TRIO: variants seen among roughly 807,000 people sequenced by gnomAD.
TRIO encodes the protein triple functional domain protein.
Under a neutral mutation model 351.9 loss-of-function variants are expected in TRIO, and 58 were observed. The observed-to-expected ratio is 0.16, with a 90% CI of 0.13 to 0.21. The LOEUF (loss-of-function observed/expected upper bound fraction) is 0.21. Among genes scored for constraint, TRIO ranks in the 10% least tolerant of loss-of-function variants. The probability of loss-of-function intolerance (pLI) is 1.00; values close to 1 mark genes in which losing one functional copy is unlikely to be tolerated. For missense variants in TRIO, 3,201 were observed against 4,027.8 expected (o/e 0.79, Z 5.56); for synonymous variants, 1,758 against 1,595.7 (o/e 1.10, Z -2.42).
chr5:14,298,986 A>C (rs1737626962), intron 7 of TRIO, among the ~76,000 whole-genome samples: 1 of 152,218 alleles, frequency 6.6e-6, no homozygotes, highest in Admixed American at 6.5e-5. Context: ...AATGAATTTG[A>C]AGCAGGATAA....
intron 10 of TRIO, 152 bp downstream of exon 10, chr5:14,331,052 T>A: frequency 8.6e-7 from 1 of 1,157,442 alleles, no homozygotes; most frequent in Non-Finnish European, 1.2e-6. Context: ...AGTGAAGTTG[T>A]CATTGCCTAG....
chr5:14,287,546 G>T (rs1368098742), intron 4 of TRIO, among the ~76,000 whole-genome samples: 1 of 152,172 alleles, frequency 6.6e-6, no homozygotes, highest in Non-Finnish European at 1.5e-5. Context: ...TGGAGATAGT[G>T]TGTTAAAAAC....
At chr5:14,270,046 C>G (rs1795894847) in intron 1 of TRIO, among the ~76,000 whole-genome samples, 1 of 152,154 alleles carries the variant, frequency 6.6e-6, no homozygotes, top group Non-Finnish European at 1.5e-5. Context: ...AGGCATTCAC[C>G]CTGGTGAGCT....
In TRIO at chr5:14,225,800, C is replaced by CA. The variant is rs959298428; in HGVS notation, c.158-45025_158-45024insA. Among the ~76,000 whole-genome samples the CA allele has an allele frequency of 1.5e-5, 2 of 136,718 alleles. 1 individual carries two copies. The highest frequency in any genetic ancestry group is 1.4e-4 in the Admixed American group (2 of 14,306). 89.7% of individuals were successfully genotyped at this position (136,718 alleles called of 152,430 possible). Reference sequence around the variant, plus strand: ...TCATATTCACTGCTCCCACCCCCCCCCCCACCTCCAAGCCCAAAAGGATGA... The same window carrying CA: ...TCATATTCACTGCTCCCACCCCCCCCACCCACCTCCAAGCCCAAAAGGATGA... On this transcript the variant is annotated intron_variant, in intron 1 of 56. Coordinates refer to ENST00000344204, the MANE Select transcript of TRIO (RefSeq NM_007118.4).
At chr5:14,391,591 A>G (rs570270246) in intron 27 of TRIO, among the ~76,000 whole-genome samples, 37 of 152,332 alleles carry the variant, frequency 2.4e-4, no homozygotes, top group Non-Finnish European at 4.4e-4. Context: ...AAAGAGATGG[A>G]GCTTTAGAAC....
intron 2 of TRIO, among the ~76,000 whole-genome samples, chr5:14,273,355 C>T (rs139154063): frequency 1.3e-5 from 2 of 152,304 alleles, no homozygotes; most frequent in African/African-American, 4.8e-5. Flanking sequence ...CGATCCTTAG[C>T]GCCTAGGTCT....
At chr5:14,361,909 G>T (rs1406286302) in intron 13 of TRIO, among the ~76,000 whole-genome samples, 1 of 152,186 alleles carries the variant, frequency 6.6e-6, no homozygotes, top group Admixed American at 6.5e-5. Context: ...CCTGAGGTCA[G>T]GAGTTCGAGA....
In TRIO at chr5:14,406,354, T is replaced by C; in HGVS notation, c.4860-219T>C. On this transcript the variant is annotated intron_variant, in intron 32 of 56. Coordinates refer to ENST00000344204, the MANE Select transcript of TRIO (RefSeq NM_007118.4). ...CAACGATCATATCAACTATATTTTA[T>C]GGTGATGGGAATCCAACAGGATGAT... 5 of 576,764 alleles carry C rather than the reference T, an allele frequency of 8.7e-6. No individual in the cohort carries two copies. In the East Asian group the frequency reaches 1.5e-4, roughly 17 times the overall value. The allele number at this position is 576,764 out of a possible 1,614,324, so 35.7% of individuals were successfully genotyped here. A position where few individuals can be genotyped will look rare whatever the true frequency, so the allele number is the denominator to read the frequency against.
intron 17 of TRIO, among the ~76,000 whole-genome samples, 178 bp downstream of exon 17, chr5:14,369,077 T>C (rs1744845663): frequency 6.6e-6 from 1 of 152,142 alleles, no homozygotes; most frequent in South Asian, 2.1e-4. Context: ...ATGTCAAAGG[T>C]AATAAGCTAG....
chr5:14,505,441 T>C (rs1244222085), intron 55 of TRIO, among the ~76,000 whole-genome samples: 1 of 152,224 alleles, frequency 6.6e-6, no homozygotes, highest in African/African-American at 2.4e-5. Flanking sequence ...TGCTTTTCCA[T>C]GGGGAAGGGT....
intron 1 of TRIO, among the ~76,000 whole-genome samples, chr5:14,209,781 T>G (rs562708582): frequency 1.2e-4 from 19 of 152,382 alleles, no homozygotes; most frequent in Non-Finnish European, 2.2e-4. Flanking sequence ...TCAACAAAAT[T>G]GACAGTATTG....
intron 1 of TRIO, among the ~76,000 whole-genome samples, chr5:14,266,251 G>A (rs1795669970): frequency 6.6e-6 from 1 of 152,006 alleles, no homozygotes. Flanking sequence ...TAGTAGAGAT[G>A]GGGTTTCACC....
At chr5:14,370,518 C>G (rs776550329) in intron 18 of TRIO, among the ~76,000 whole-genome samples, 11 of 152,150 alleles carry the variant, frequency 7.2e-5, no homozygotes, top group Admixed American at 2.0e-4. Context: ...TCTCACCTCT[C>G]TGACCACTTT....
chr5:14,184,007 C>T (rs16903264), intron 1 of TRIO: 133,600 of 694,372 alleles, frequency 0.19, 15,043 homozygotes, highest in East Asian at 0.42. Flanking sequence ...TATTTTGGCT[C>T]TCTGATGTGT....
In TRIO at chr5:14,175,812, A is replaced by G. The variant is rs1789370512; in HGVS notation, c.157+31930A>G. ...CGCAAAATCTGTGCGAGTCATGAAA[A>G]TAGACGGGATACCTAGACTGCTAAT... On this transcript the variant is annotated intron_variant, in intron 1 of 56. Coordinates refer to ENST00000344204, the MANE Select transcript of TRIO (RefSeq NM_007118.4). Among the ~76,000 whole-genome samples the G allele has an allele frequency of 2.6e-5, 4 of 152,250 alleles. No homozygotes were observed. The South Asian group carries it at 8.3e-4, about 31-fold the overall frequency.
Position 14,323,117 on chromosome 5 carries a change from A to G in TRIO, c.1731+6374A>G, listed in dbSNP as rs72746023. ...ACACCCCTCATCTAAAACATCTTCA[A>G]TGTCAGTCCGTGGTGAATGCTAGAC... is the stretch of plus-strand genomic sequence containing the variant. On this transcript the variant is annotated intron_variant, in intron 9 of 56. Coordinates refer to ENST00000344204, the MANE Select transcript of TRIO (RefSeq NM_007118.4). 3.3e-5 allele frequency among the ~76,000 whole-genome samples: 5 copies of G among 152,202 alleles called. No individual in the cohort carries two copies. The East Asian group carries it at 5.8e-4, about 18-fold the overall frequency.
At chr5:14,144,877 C>A (rs925384404) in intron 1 of TRIO, among the ~76,000 whole-genome samples, 1 of 151,934 alleles carries the variant, frequency 6.6e-6, no homozygotes, top group Non-Finnish European at 1.5e-5. Context: ...GCTCGCGCGT[C>A]GGCTGAGCAG....
intron 20 of TRIO, among the ~76,000 whole-genome samples, chr5:14,378,852 A>T (rs1459965550): frequency 6.6e-6 from 1 of 152,110 alleles, no homozygotes. Flanking sequence ...GAGCCACCGC[A>T]CCTGGCCCAG....
At chr5:14,182,887 C>T (rs1340498454) in intron 1 of TRIO, among the ~76,000 whole-genome samples, 1 of 149,212 alleles carries the variant, frequency 6.7e-6, no homozygotes, top group Non-Finnish European at 1.5e-5. Context: ...CTTTGCCGTG[C>T]ACTTTGTTCT....
Sources: allele counts gnomAD v4.1 joint callset (sites outside exome capture counted in the v4.1 genomes callset), GRCh38; gene constraint gnomAD v4.1.1; transcripts MANE v1.5; gene names NCBI Gene and HGNC (gene_info 2026-07-23, HGNC 2026-07-21).